The following PREP variants were observed in gnomAD, a reference collection of about 807,000 sequenced individuals.
PREP encodes the protein dJ355L5.1 (prolyl endopeptidase).
Under a neutral mutation model 87.6 loss-of-function variants are expected in PREP, and 29 were observed. The observed-to-expected ratio is 0.33, with a 90% CI of 0.25 to 0.45. The LOEUF is 0.45. Ranked by LOEUF, PREP falls within the 20% of genes least tolerant of loss-of-function variation. PREP has a pLI of 1.00. For missense variants in PREP, 695 were observed against 886.5 expected (o/e 0.78, Z 2.74); for synonymous variants, 337 against 328.6 (o/e 1.03, Z -0.28).
intron 5 of PREP, among the ~76,000 whole-genome samples, chr6:105,372,043 T>C (rs1772572264): frequency 6.6e-6 from 1 of 152,192 alleles, no homozygotes; most frequent in African/African-American, 2.4e-5. Flanking sequence ...GACATCTTTC[T>C]TTAGCCAACA....
intron 4 of PREP, among the ~76,000 whole-genome samples, chr6:105,374,635 TATATATATATATATATATATA>T (rs1772640553): frequency 0.013 from 3 of 230 alleles, no homozygotes; most frequent in Non-Finnish European, 0.028. Flanking sequence ...GAATTGTTTA[TATATATATATATATATATATA>T]TATATATATA....
In PREP at chr6:105,276,870, G is replaced by C. The variant is rs1263091232; in HGVS notation, c.*1274C>G. Among the ~76,000 whole-genome samples, 1 of 152,148 alleles carries C rather than the reference G, an allele frequency of 6.6e-6. No individual in the cohort carries two copies. Among genetic ancestry groups the C allele is most frequent in the Non-Finnish European group, 1.5e-5 (1 of 68,030 alleles). ...TAAAAGCACATACATATACAACTTG[G>C]AAGATGGGACTTACTTGGAAAAGTA... On this transcript the variant is annotated 3_prime_UTR_variant, in exon 15 of 15. Transcript: ENST00000652536.
chr6:105,302,709 G>A (rs1770565922), intron 10 of PREP: 1 of 508,402 alleles, frequency 2.0e-6, no homozygotes, highest in East Asian at 4.9e-5. Context: ...TGGAGACCGC[G>A]CCGCCTGTCA....
chr6:105,382,483 A>C (rs1772871222), intron 2 of PREP, among the ~76,000 whole-genome samples: 1 of 152,208 alleles, frequency 6.6e-6, no homozygotes, highest in Admixed American at 6.5e-5. Context: ...TGATTGCCTT[A>C]ACTTTTCCCT....
chr6:105,343,046 CAA>C (rs1562208029), intron 7 of PREP, among the ~76,000 whole-genome samples: 1 of 141,546 alleles, frequency 7.1e-6, no homozygotes, highest in Non-Finnish European at 1.5e-5. Context: ...CATATGGAAC[CAA>C]AAAAGAGCCT....
intron 10 of PREP, among the ~76,000 whole-genome samples, chr6:105,318,027 C>G (rs1770919433): frequency 6.6e-6 from 1 of 152,160 alleles, no homozygotes; most frequent in Non-Finnish European, 1.5e-5. Flanking sequence ...ACCTGGCCAC[C>G]AGGTGGCATT....
intron 6 of PREP, among the ~76,000 whole-genome samples, chr6:105,354,877 T>G (rs1160184087): frequency 5.9e-5 from 9 of 152,208 alleles, no homozygotes; most frequent in Non-Finnish European, 1.3e-4. Flanking sequence ...ATTCTTTCAT[T>G]TGCTCCTTCA....
chr6:105,355,416 G>C (rs1364672490), intron 6 of PREP, among the ~76,000 whole-genome samples: 1 of 152,112 alleles, frequency 6.6e-6, no homozygotes, highest in Non-Finnish European at 1.5e-5. Flanking sequence ...CATTAAGAAG[G>C]CATCTTTCCA....
At chr6:105,302,548 G>A (rs1005763198) in intron 10 of PREP, 8 of 394,400 alleles carry the variant, frequency 2.0e-5, no homozygotes, top group Non-Finnish European at 4.0e-5. Flanking sequence ...CTGGGCCAGT[G>A]GCGCAGGCGC....
At chr6:105,283,038 A>T (rs1770115990) in intron 12 of PREP, among the ~76,000 whole-genome samples, 1 of 152,190 alleles carries the variant, frequency 6.6e-6, no homozygotes, top group Admixed American at 6.5e-5. Context: ...CCTCCCCGCG[A>T]AGACGGAGGT....
intron 10 of PREP, chr6:105,298,927 T>C (rs1191114691): frequency 1.3e-5 from 2 of 152,162 alleles, no homozygotes; most frequent in Non-Finnish European, 2.9e-5. Context: ...TACTTAAAAT[T>C]CTCCTTCAAA....
chr6:105,381,652 A>G (rs1772840881), intron 2 of PREP, among the ~76,000 whole-genome samples: 1 of 152,228 alleles, frequency 6.6e-6, no homozygotes. Context: ...TTTTATATCC[A>G]TAGATGAATC....
chr6:105,326,543 A>C (rs994086038), intron 9 of PREP, among the ~76,000 whole-genome samples: 7 of 152,176 alleles, frequency 4.6e-5, no homozygotes, highest in Admixed American at 6.5e-5. Flanking sequence ...AGCTGCAGTT[A>C]TTTGTGACCC....
At chr6:105,386,012 C>A (rs1348116570) in intron 2 of PREP, among the ~76,000 whole-genome samples, 1 of 152,102 alleles carries the variant, frequency 6.6e-6, no homozygotes, top group Admixed American at 6.5e-5. Flanking sequence ...CCCAGCTACT[C>A]GGGAGGCTGA....
At position 105,281,784 on chromosome 6, in the gene PREP, C is replaced by T. The variant is rs1770087286; in HGVS notation, c.1800G>A (p.Gly600=). The change falls in exon 14 of 15, where the codon GGG becomes GGA. Residue 600 remains glycine (G), a synonymous_variant. Transcript: ENST00000652536. ...TIGHAWTTDY[G]CSDSKQHFEW... is the part of the protein sequence containing the mutation. Reference sequence around the variant, plus strand: ...CAAAGTGTTGTTTGCTGTCCGAGCACCCATAATCAGTGGTCCAAGCATGGC... The same window carrying T: ...CAAAGTGTTGTTTGCTGTCCGAGCATCCATAATCAGTGGTCCAAGCATGGC... 6.2e-7 allele frequency: 1 copy of T among 1,614,008 alleles called. No individual in the cohort carries two copies. The highest frequency in any genetic ancestry group is 1.3e-5 in the African/African-American group (1 of 74,916).
intron 4 of PREP, 38 bp from the exon 5 acceptor site, chr6:105,373,616 G>A (rs191416046): frequency 3.3e-5 from 52 of 1,572,150 alleles, no homozygotes; most frequent in African/African-American, 2.2e-4. Context: ...TGACAAACAC[G>A]GAACACAACT....
chr6:105,332,494 G>T (rs1025852792), intron 8 of PREP, among the ~76,000 whole-genome samples: 1 of 152,140 alleles, frequency 6.6e-6, no homozygotes, highest in South Asian at 2.1e-4. Flanking sequence ...GATCTCAAAG[G>T]GGACTTTTTT....
intron 10 of PREP, among the ~76,000 whole-genome samples, chr6:105,320,954 C>T (rs1227376998): frequency 1.3e-5 from 2 of 152,190 alleles, no homozygotes; most frequent in East Asian, 1.9e-4. Flanking sequence ...AATGTGAGAA[C>T]ATCTGTCACG....
chr6:105,341,044 T>C (rs553526545), intron 7 of PREP, among the ~76,000 whole-genome samples: 60 of 152,336 alleles, frequency 3.9e-4, no homozygotes, highest in Middle Eastern at 3.4e-3. Flanking sequence ...ACAGACCTAA[T>C]AGACATCTAC....
Sources: gnomAD v4.1 joint callset for allele counts (sites outside exome capture counted in the v4.1 genomes callset) on GRCh38, gnomAD v4.1.1 for gene constraint, MANE v1.5 for transcripts, NCBI Gene and HGNC (gene_info 2026-07-23, HGNC 2026-07-21) for gene names.